Variants in KCNQ1 observed in about 807,000 individuals in gnomAD.
The protein encoded by KCNQ1 is potassium voltage-gated channel subfamily Q member 1.
Under a neutral mutation model 72.4 loss-of-function variants are expected in KCNQ1, and 49 were observed. That is an observed-to-expected ratio of 0.68 (90% CI 0.54 to 0.86). The LOEUF (loss-of-function observed/expected upper bound fraction) is 0.86, where lower values mean the gene tolerates loss of function less well. Among genes scored for constraint, KCNQ1 ranks in the 40% least tolerant of loss-of-function variants. The pLI is 0.00. For synonymous variants in KCNQ1, 450 were observed against 412.6 expected, an observed-to-expected ratio of 1.09 and a Z score of -1.10; for missense variants, 790 against 945.1, an observed-to-expected ratio of 0.84 and a Z score of 2.15.
At chr11:2,632,820 T>C in intron 10 of KCNQ1, 1 of 398,468 alleles carries the variant, frequency 2.5e-6, no homozygotes, top group East Asian at 3.6e-5. Flanking sequence ...CTGCATCTGC[T>C]GATGGAGATT....
In KCNQ1 at chr11:2,491,395, TTAAAA is replaced by T. The variant is rs1482817180; in HGVS notation, c.387-36529_387-36525del. Among the ~76,000 whole-genome samples the T allele has an allele frequency of 2.0e-5, 3 of 152,168 alleles. No individual in the cohort carries two copies. The highest frequency in any genetic ancestry group is 6.5e-5 in the Admixed American group (1 of 15,282). On this transcript the variant is annotated intron_variant, in intron 1 of 15. Transcript: ENST00000155840. This position sits in a 1 kb window ranked among gnomAD's most constrained non-coding sequence, Gnocchi z 4.1. ...CTATCAGATAAATTTAATAAAGAGA[TTAAAA>T]TAAGAATCAAGCAGAAATTCTGGAG...
intron 11 of KCNQ1, among the ~76,000 whole-genome samples, chr11:2,751,917 C>A (rs1440231140): frequency 6.6e-6 from 1 of 152,224 alleles, no homozygotes; most frequent in Non-Finnish European, 1.5e-5. Context: ...TTCCTCTGAG[C>A]CCCTCGTGGA....
chr11:2,814,536 G>A (rs1847574405), intron 15 of KCNQ1, among the ~76,000 whole-genome samples: 1 of 151,932 alleles, frequency 6.6e-6, no homozygotes, highest in South Asian at 2.1e-4. Context: ...ACGGCTGGGT[G>A]GGTGAGCTGA....
At chr11:2,662,735 C>CCA (rs1849988429) in intron 11 of KCNQ1, 3 of 400,356 alleles carry the variant, frequency 7.5e-6, no homozygotes, top group Non-Finnish European at 1.3e-5. Flanking sequence ...TCCATTCTGG[C>CCA]CACAGTCCCA....
At chr11:2,656,191 T>C in intron 10 of KCNQ1, 1 of 398,554 alleles carries the variant, frequency 2.5e-6, no homozygotes, top group East Asian at 3.6e-5. Context: ...CTTCCTTCCT[T>C]TAAAAAAAAT....
chr11:2,530,858 T>C (rs1055854290), intron 2 of KCNQ1, among the ~76,000 whole-genome samples: 12 of 152,168 alleles, frequency 7.9e-5, no homozygotes, highest in African/African-American at 2.4e-4. Context: ...TGTGTACCTA[T>C]GTGTATGTAC....
chr11:2,568,279 AAATAAAT>A lies in KCNQ1; in HGVS notation c.478-2346_478-2340del, dbSNP rs1848275380. ...CAGAGCGAGACTCTGTCTCATAAAT[AAATAAAT>A]AAATAAATAAATAAATAAAGTGCAT... On this transcript the variant is annotated intron_variant, in intron 2 of 15. Coordinates refer to ENST00000155840, the MANE Select transcript of KCNQ1 (RefSeq NM_000218.3). 7.8e-5 allele frequency among the ~76,000 whole-genome samples: 5 copies of A among 64,418 alleles called. 1 individual carries two copies. In the South Asian group the frequency reaches 2.0e-3, roughly 26 times the overall value. 42.3% of individuals were successfully genotyped at this position (64,418 alleles called of 152,430 possible).
In KCNQ1 at chr11:2,445,123, A is replaced by G; in HGVS notation, c.25A>G (p.Arg9Gly). The G allele has an allele frequency of 9.1e-7, 1 of 1,104,520 alleles. No homozygotes were observed. The allele number at this position is 1,104,520 out of a possible 1,614,324, so 68.4% of individuals were successfully genotyped here. A position where few individuals can be genotyped will look rare whatever the true frequency, so the allele number is the denominator to read the frequency against. MAAASSPP[R>G]AERKRWGWGR... Reference sequence around the variant, plus strand: ...TATGGCCGCGGCCTCCTCCCCGCCCAGGGCCGAGAGGAAGCGCTGGGGTTG... The same window carrying G: ...TATGGCCGCGGCCTCCTCCCCGCCCGGGGCCGAGAGGAAGCGCTGGGGTTG... Residue 9 changes from arginine to glycine, a missense_variant, in exon 1 of 16, where the codon AGG becomes GGG. Arg to Gly is a moderately radical substitution (Grantham distance 125). Transcript: ENST00000155840.
chr11:2,513,953 G>A (rs1351073526), intron 1 of KCNQ1, among the ~76,000 whole-genome samples: 2 of 152,244 alleles, frequency 1.3e-5, no homozygotes, highest in African/African-American at 2.4e-5. Flanking sequence ...CATGGGGCCT[G>A]TCCCATGCTG....
In KCNQ1 at chr11:2,714,066, C is replaced by T. The variant is rs1033339471; in HGVS notation, c.1514+51985C>T. Among the ~76,000 whole-genome samples, 3 of 152,092 alleles carry T rather than the reference C, an allele frequency of 2.0e-5. No homozygotes were observed. The East Asian group carries it at 5.8e-4, about 30-fold the overall frequency. On this transcript the variant is annotated intron_variant, in intron 11 of 15. Coordinates refer to ENST00000155840, the MANE Select transcript of KCNQ1 (RefSeq NM_000218.3). The stretch of plus-strand genomic sequence containing the variant: ...ACAGGCAGTCTCCACAGAGATAGAG[C>T]GCCAAGGATGCGGGCCAGGACTCTT...
chr11:2,672,114 C>T, intron 11 of KCNQ1: 1 of 398,776 alleles, frequency 2.5e-6, no homozygotes, highest in Non-Finnish European at 4.4e-6. Context: ...GGGGACCTTT[C>T]TTCTCCCACC....
In KCNQ1 at chr11:2,808,518, A is replaced by C. The variant is rs531747860; in HGVS notation, c.1794+30481A>C. Among the ~76,000 whole-genome samples, 1 of 149,288 alleles carries C rather than the reference A, an allele frequency of 6.7e-6. No homozygotes were observed. Among genetic ancestry groups the C allele is most frequent in the Admixed American group, 6.6e-5 (1 of 15,166 alleles). Reference sequence around the variant, plus strand: ...TGCAGAACTGAGCAGAGAAGAAAACAAAAGAGGACCATAATATCTCCACAG... The same window carrying C: ...TGCAGAACTGAGCAGAGAAGAAAACCAAAGAGGACCATAATATCTCCACAG... On this transcript the variant is annotated intron_variant, in intron 15 of 15. Transcript: ENST00000155840. The surrounding 1 kb of genome is among the most constrained non-coding windows in gnomAD (Gnocchi z 6.0).
chr11:2,736,616 C>T (rs1189773562), intron 11 of KCNQ1, among the ~76,000 whole-genome samples: 2 of 152,142 alleles, frequency 1.3e-5, no homozygotes, highest in South Asian at 2.1e-4. Flanking sequence ...GGCCGTCCCT[C>T]CCACCCCCCA....
rs1303874880 is a variant in KCNQ1, at chr11:2,537,652, C to A, written c.477+9634C>A. On this transcript the variant is annotated intron_variant, in intron 2 of 15. Transcript: ENST00000155840. The surrounding 1 kb of genome is among the most constrained non-coding windows in gnomAD (Gnocchi z 5.2). Reference sequence around the variant, plus strand: ...TGGCTTTCATCTTCTGCCATTTGCTCTGCACGTTTCTCTCTATATGCAAAA... The same window carrying A: ...TGGCTTTCATCTTCTGCCATTTGCTATGCACGTTTCTCTCTATATGCAAAA... Among the ~76,000 whole-genome samples the A allele has an allele frequency of 6.6e-6, 1 of 151,298 alleles. No homozygotes were observed. The highest frequency in any genetic ancestry group is 1.5e-5 in the Non-Finnish European group (1 of 68,032).
chr11:2,742,589 T>A (rs551959688), intron 11 of KCNQ1, among the ~76,000 whole-genome samples: 1 of 152,326 alleles, frequency 6.6e-6, no homozygotes, highest in East Asian at 1.9e-4. Flanking sequence ...GGGGCAGAAA[T>A]GCCTGGCAGG....
At chr11:2,753,446 G>A (rs528355821) in intron 11 of KCNQ1, among the ~76,000 whole-genome samples, 5 of 152,272 alleles carry the variant, frequency 3.3e-5, no homozygotes, top group Admixed American at 1.3e-4. Flanking sequence ...TGTGCCCTGG[G>A]CAGAGCCAGG....
At chr11:2,594,548 C>A (rs978150561) in intron 10 of KCNQ1, among the ~76,000 whole-genome samples, 1 of 152,160 alleles carries the variant, frequency 6.6e-6, no homozygotes, top group Non-Finnish European at 1.5e-5. Context: ...TTCTATTTGA[C>A]CATCTCATTG....
chr11:2,555,444 G>A (rs1848056152), intron 2 of KCNQ1, among the ~76,000 whole-genome samples: 2 of 152,322 alleles, frequency 1.3e-5, no homozygotes, highest in Middle Eastern at 3.4e-3. Context: ...CCCTGCCTGG[G>A]GAAGATGGGG....
intron 1 of KCNQ1, among the ~76,000 whole-genome samples, chr11:2,511,880 C>A (rs904775628): frequency 6.6e-6 from 1 of 152,194 alleles, no homozygotes; most frequent in South Asian, 2.1e-4. Flanking sequence ...TGGCCTGCAG[C>A]CCCCTGTGCA....
Sources: gnomAD v4.1 joint callset for allele counts (sites outside exome capture counted in the v4.1 genomes callset) on GRCh38, gnomAD v4.1.1 for gene constraint, Gnocchi (gnomAD v3.1) non-coding constraint, MANE v1.5 for transcripts, NCBI Gene and HGNC (gene_info 2026-07-23, HGNC 2026-07-21) for gene names.